BAZ2B: variants seen among roughly 807,000 people sequenced by gnomAD.
BAZ2B encodes bromodomain adjacent to zinc finger domain 2B, also known as bromodomain adjacent to zinc finger domain protein 2B.
A neutral mutation model predicts 246.0 loss-of-function variants in BAZ2B; 91 were observed. The observed-to-expected ratio is 0.37, with a 90% CI of 0.31 to 0.44. The LOEUF is 0.44. Ranked by LOEUF, BAZ2B falls within the 20% of genes least tolerant of loss-of-function variation. The pLI is 1.00. For missense variants in BAZ2B, 2,332 were observed against 2,533.7 expected (o/e 0.92, Z 1.71); for synonymous variants, 855 against 860.0 (o/e 0.99, Z 0.10).
chr2:159,324,930 A>C lies in BAZ2B; in HGVS notation c.6234T>G (p.Thr2078=), dbSNP rs1558939593. 2 of 1,548,162 alleles carry C rather than the reference A, an allele frequency of 1.3e-6. No individual in the cohort carries two copies. Among genetic ancestry groups the C allele is most frequent in the Admixed American group, 4.4e-5 (2 of 45,430 alleles). ...LCSMILTEME[T]HEDAWPFLLP... is the part of the protein sequence containing the mutation. The stretch of plus-strand genomic sequence containing the variant: ...GTAGAAAAGGCCATGCATCCTCATG[A>C]GTTTCCATTTCAGTCAGAATCATAC... The change falls in exon 36 of 37, where the codon ACT becomes ACG. Residue 2078 remains threonine (T), a synonymous_variant. Coordinates refer to ENST00000392783, the MANE Select transcript of BAZ2B (RefSeq NM_013450.4).
chr2:159,663,666 C>T, the BAZ2B span, among the ~76,000 whole-genome samples: 61 of 151,840 alleles, frequency 4.0e-4, no homozygotes, highest in Non-Finnish European at 7.9e-4. Context: ...ATTACAGGCA[C>T]ATGCCACCAC....
intron 4 of BAZ2B, among the ~76,000 whole-genome samples, chr2:159,450,511 T>A (rs1362322688): frequency 6.6e-6 from 1 of 152,066 alleles, no homozygotes; most frequent in African/African-American, 2.4e-5. Context: ...AAGATGTGAA[T>A]GGTAGAGCTT....
intron 27 of BAZ2B, among the ~76,000 whole-genome samples, chr2:159,367,415 A>C (rs2149350840): frequency 6.6e-6 from 1 of 152,300 alleles, no homozygotes; most frequent in African/African-American, 2.4e-5. Context: ...GTACAACACG[A>C]ATTTAATTTA....
chr2:159,551,562 A>G (rs556184440), intron 2 of BAZ2B, among the ~76,000 whole-genome samples: 2 of 152,076 alleles, frequency 1.3e-5, no homozygotes, highest in East Asian at 3.8e-4. Context: ...AAATATAGCC[A>G]CTATAATAAT....
chr2:159,488,535 C>CA (rs563803895), intron 2 of BAZ2B, among the ~76,000 whole-genome samples: 71 of 151,276 alleles, frequency 4.7e-4, no homozygotes, highest in South Asian at 1.5e-3. Flanking sequence ...TAAAAAAGAA[C>CA]AAAAAAAAGA....
intron 6 of BAZ2B, among the ~76,000 whole-genome samples, chr2:159,442,174 G>T (rs10206934): frequency 0.48 from 73,660 of 151,950 alleles, 18,659 homozygotes; most frequent in Middle Eastern, 0.6. Context: ...CATGTAGTCA[G>T]CAGGTAAGAC....
chr2:159,427,824 A>G (rs2070263392), intron 13 of BAZ2B, 117 bp downstream of exon 13: 2 of 747,266 alleles, frequency 2.7e-6, no homozygotes, highest in Non-Finnish European at 4.4e-6. Context: ...AGTTATATGT[A>G]TAGCCATATG....
intron 2 of BAZ2B, among the ~76,000 whole-genome samples, chr2:159,486,142 A>G (rs1180610016): frequency 1.3e-5 from 2 of 152,100 alleles, no homozygotes; most frequent in African/African-American, 4.8e-5. Flanking sequence ...AATACTAACT[A>G]GACTTAGAAA....
At chr2:159,499,858 T>C (rs1474999992) in intron 2 of BAZ2B, among the ~76,000 whole-genome samples, 4 of 152,214 alleles carry the variant, frequency 2.6e-5, no homozygotes, top group Admixed American at 1.3e-4. Context: ...TGCCCACTTT[T>C]TAATGGGGTT....
intron 20 of BAZ2B, among the ~76,000 whole-genome samples, chr2:159,391,471 G>A (rs1428070154): frequency 2.0e-5 from 3 of 152,120 alleles, no homozygotes; most frequent in Non-Finnish European, 2.9e-5. Context: ...GTCCATAACA[G>A]CAATTATAAA....
chr2:159,447,834 C>T (rs763382643), intron 5 of BAZ2B, among the ~76,000 whole-genome samples: 9 of 152,130 alleles, frequency 5.9e-5, no homozygotes, highest in South Asian at 2.1e-4. Context: ...TTATTAAGGC[C>T]GGGTGTGGTG....
chr2:159,544,333 TC>T (rs1484252854), intron 2 of BAZ2B, among the ~76,000 whole-genome samples: 1 of 152,184 alleles, frequency 6.6e-6, no homozygotes, highest in African/African-American at 2.4e-5. Flanking sequence ...CAGTGAGCAC[TC>T]CACTAACATT....
chr2:159,467,871 G>A (rs1342210789), intron 3 of BAZ2B, among the ~76,000 whole-genome samples: 1 of 152,166 alleles, frequency 6.6e-6, no homozygotes, highest in African/African-American at 2.4e-5. Context: ...TTTCTGGTCT[G>A]CTGCCTAAAT....
At chr2:159,347,972 A>AC (rs879269974) in intron 30 of BAZ2B, among the ~76,000 whole-genome samples, 11 of 152,116 alleles carry the variant, frequency 7.2e-5, no homozygotes, top group South Asian at 2.1e-4. Context: ...TGGTTCTAGG[A>AC]CCCCCTCTGC....
At chr2:159,466,070 C>T (rs1296333441) in intron 3 of BAZ2B, among the ~76,000 whole-genome samples, 1 of 152,158 alleles carries the variant, frequency 6.6e-6, no homozygotes, top group Non-Finnish European at 1.5e-5. Context: ...CAAGAGCAGG[C>T]CTATCTCATT....
At chr2:159,332,482 TA>T in intron 34 of BAZ2B, 57 bp downstream of exon 34, 2 of 1,509,682 alleles carry the variant, frequency 1.3e-6, no homozygotes, top group Non-Finnish European at 1.8e-6. Context: ...GACCATGTAT[TA>T]AAAAAATAAT....
chr2:159,482,421 AG>A (rs2079344323), intron 2 of BAZ2B, among the ~76,000 whole-genome samples: 1 of 152,184 alleles, frequency 6.6e-6, no homozygotes, highest in Admixed American at 6.5e-5. Context: ...ATGCATGTAA[AG>A]GGTAGAGTAC....
chr2:159,651,047 C>G, the BAZ2B span, among the ~76,000 whole-genome samples: 1 of 150,894 alleles, frequency 6.6e-6, no homozygotes, highest in Admixed American at 6.6e-5. Context: ...TATTAACTAG[C>G]CTTAAAATTC....
intron 16 of BAZ2B, 96 bp downstream of exon 16, chr2:159,404,753 T>C (rs2065631624): frequency 2.0e-6 from 2 of 999,464 alleles, no homozygotes; most frequent in Non-Finnish European, 1.4e-6. Flanking sequence ...TAATGTGAAA[T>C]ATAGTTATTT....
Sources: gnomAD v4.1 joint callset for allele counts (sites outside exome capture counted in the v4.1 genomes callset) on GRCh38, gnomAD v4.1.1 for gene constraint, MANE v1.5 for transcripts, NCBI Gene and HGNC (gene_info 2026-07-23, HGNC 2026-07-21) for gene names.